Variants in CUX2 observed in about 807,000 individuals in gnomAD.
CUX2 encodes homeobox protein cut-like 2.
CUX2 carries 40 observed loss-of-function variants against 144.8 expected under a neutral mutation model. The observed-to-expected ratio is 0.28, with a 90% confidence interval of 0.21 to 0.36. The LOEUF is 0.36. CUX2 is among the 10% of genes least tolerant of loss of function. The pLI is 1.00. For missense variants in CUX2, 1,615 were observed against 1,994.0 expected (o/e 0.81, Z 3.62); for synonymous variants, 827 against 875.6 (o/e 0.94, Z 0.98).
rs1870562748 is a variant in CUX2 at position 111,057,112 on chromosome 12, A to G, written c.63+22872A>G. On this transcript the variant is annotated intron_variant, in intron 1 of 21. Coordinates refer to ENST00000261726, the MANE Select transcript of CUX2 (RefSeq NM_015267.4). This position sits in a 1 kb window ranked among gnomAD's most constrained non-coding sequence, Gnocchi z 5.1. Reference sequence around the variant, plus strand: ...GCCAAGTAGGGAGTGAGTGTGACAGAAAATGGCCAAGCTGCAATGGTTGTG... The same window carrying G: ...GCCAAGTAGGGAGTGAGTGTGACAGGAAATGGCCAAGCTGCAATGGTTGTG... Among the ~76,000 whole-genome samples the G allele has an allele frequency of 6.6e-6, 1 of 151,506 alleles. No homozygotes were observed. The highest frequency in any genetic ancestry group is 2.4e-5 in the African/African-American group (1 of 41,180).
At chr12:111,243,283 C>T (rs1223315999) in intron 3 of CUX2, among the ~76,000 whole-genome samples, 3 of 152,146 alleles carry the variant, frequency 2.0e-5, no homozygotes, top group Non-Finnish European at 4.4e-5. Context: ...GTCATTGTAT[C>T]ATTTTACCTG....
intron 1 of CUX2, among the ~76,000 whole-genome samples, chr12:111,196,033 C>A (rs1880218494): frequency 6.6e-6 from 1 of 152,214 alleles, no homozygotes; most frequent in South Asian, 2.1e-4. Flanking sequence ...CCACTCCCAG[C>A]CCCAGGAAAC....
At chr12:111,241,529 C>G (rs1479077135) in intron 3 of CUX2, among the ~76,000 whole-genome samples, 1 of 152,216 alleles carries the variant, frequency 6.6e-6, no homozygotes, top group African/African-American at 2.4e-5. Context: ...CATGCTTTTC[C>G]TAGGATCAAG....
intron 1 of CUX2, among the ~76,000 whole-genome samples, chr12:111,130,206 G>A (rs1875377892): frequency 6.6e-6 from 1 of 152,160 alleles, no homozygotes; most frequent in Admixed American, 6.5e-5. Flanking sequence ...CATTCAAAGG[G>A]TTCTGGGTCT....
chr12:111,118,241 T>G (rs1874416523), intron 1 of CUX2, among the ~76,000 whole-genome samples: 1 of 152,222 alleles, frequency 6.6e-6, no homozygotes, highest in South Asian at 2.1e-4. Flanking sequence ...TGTAATTATA[T>G]TTCAAACCAG....
At chr12:111,301,609 C>G (rs886894458) in intron 9 of CUX2, among the ~76,000 whole-genome samples, 2 of 152,098 alleles carry the variant, frequency 1.3e-5, no homozygotes, top group Admixed American at 6.5e-5. Context: ...CCTCAAACTC[C>G]TGGGCTCAAG....
rs535505155 is a variant in CUX2 at position 111,214,443 on chromosome 12, C to T, written c.174+133C>T. ...GCTAATTAGCCACAAAGAAAAATGACAGCCCCTAACCTTTCGGGGTTTCTT... is the reference window on the plus strand; with the variant it reads ...GCTAATTAGCCACAAAGAAAAATGATAGCCCCTAACCTTTCGGGGTTTCTT... On this transcript the variant is annotated intron_variant, in intron 2 of 21. Coordinates refer to ENST00000261726, the MANE Select transcript of CUX2 (RefSeq NM_015267.4). The T allele has an allele frequency of 6.8e-5, 39 of 577,142 alleles. 3 individuals carry two copies. The South Asian group carries it at 9.3e-4, about 14-fold the overall frequency. 35.8% of individuals were successfully genotyped at this position (577,142 alleles called of 1,614,324 possible). A position where few individuals can be genotyped will look rare whatever the true frequency, so the allele number is the denominator to read the frequency against.
chr12:111,134,610 C>G (rs1309749715), intron 1 of CUX2, among the ~76,000 whole-genome samples: 146 of 138,346 alleles, frequency 1.1e-3, no homozygotes, highest in African/African-American at 4.7e-3. Context: ...CTCTCTCTCT[C>G]TCTCTCTCTC....
At chr12:111,249,255 C>G (rs576286712) in intron 3 of CUX2, among the ~76,000 whole-genome samples, 31 of 152,266 alleles carry the variant, frequency 2.0e-4, no homozygotes, top group African/African-American at 6.7e-4. Flanking sequence ...TGCTGTGTGA[C>G]TTTGCACACG....
intron 8 of CUX2, among the ~76,000 whole-genome samples, 192 bp downstream of exon 8, chr12:111,296,731 GGCCT>G (rs1886021468): frequency 9.0e-6 from 1 of 111,110 alleles, no homozygotes. Flanking sequence ...CTCCCAGAGA[GGCCT>G]CCTCCCTCTG....
chr12:111,096,228 A>G (rs1406797957), intron 1 of CUX2, among the ~76,000 whole-genome samples: 1 of 152,136 alleles, frequency 6.6e-6, no homozygotes, highest in Non-Finnish European at 1.5e-5. Flanking sequence ...AGAGAGTACA[A>G]AATGGAGCCC....
rs117949339 is a variant in CUX2 at position 111,156,382 on chromosome 12, G to A, written c.64-57818G>A. On this transcript the variant is annotated intron_variant, in intron 1 of 21. Coordinates refer to ENST00000261726, the MANE Select transcript of CUX2 (RefSeq NM_015267.4). ...ATCCCCATTCTAAACTCCTTATTTC[G>A]GAATATTTTCTCTGTCTCCCAGTGG... 1.1e-4 allele frequency among the ~76,000 whole-genome samples: 16 copies of A among 152,180 alleles called. No individual in the cohort carries two copies. The East Asian group carries it at 1.7e-3, about 17-fold the overall frequency.
chr12:111,147,610 G>A (rs1374219374), intron 1 of CUX2, among the ~76,000 whole-genome samples: 2 of 152,194 alleles, frequency 1.3e-5, no homozygotes, highest in Non-Finnish European at 2.9e-5. Context: ...TTGCTCGATT[G>A]CATGGAGCAG....
chr12:111,056,897 A>G (rs1870553435), intron 1 of CUX2, among the ~76,000 whole-genome samples: 1 of 152,158 alleles, frequency 6.6e-6, no homozygotes, highest in African/African-American at 2.4e-5. Context: ...AGGAGAGTAG[A>G]TGTGACAGGA....
intron 16 of CUX2, among the ~76,000 whole-genome samples, chr12:111,313,655 A>G (rs1049784586): frequency 1.3e-5 from 2 of 151,962 alleles, no homozygotes; most frequent in African/African-American, 4.8e-5. Context: ...AAAGAAAAAA[A>G]AAAATGGGGA....
intron 1 of CUX2, among the ~76,000 whole-genome samples, chr12:111,118,869 T>C (rs543015024): frequency 6.6e-6 from 1 of 152,272 alleles, no homozygotes; most frequent in East Asian, 1.9e-4. Flanking sequence ...CTTTTGGGAT[T>C]TTTTCTAAGC....
intron 1 of CUX2, among the ~76,000 whole-genome samples, chr12:111,154,870 G>A (rs971495068): frequency 6.6e-6 from 1 of 152,202 alleles, no homozygotes; most frequent in African/African-American, 2.4e-5. Context: ...CCAGAGATGT[G>A]AGGACCTTCC....
In CUX2 at chr12:111,111,889, C is replaced by A. The variant is rs565297837; in HGVS notation, c.63+77649C>A. ...AATGAAAGCTTTGAACTTGCAGAAG[C>A]CTCTTGCAAGGGGAAACGGTTCTCC... is the stretch of plus-strand genomic sequence containing the variant. On this transcript the variant is annotated intron_variant, in intron 1 of 21. Coordinates refer to ENST00000261726, the MANE Select transcript of CUX2 (RefSeq NM_015267.4). Among the ~76,000 whole-genome samples, 18 of 152,274 alleles carry A rather than the reference C, an allele frequency of 1.2e-4. No individual in the cohort carries two copies. In the South Asian group the frequency reaches 3.5e-3, roughly 30 times the overall value.
intron 1 of CUX2, among the ~76,000 whole-genome samples, chr12:111,105,319 T>C (rs1046477385): frequency 2.6e-5 from 4 of 152,260 alleles, no homozygotes; most frequent in Non-Finnish European, 5.9e-5. Context: ...TGATCAGCCA[T>C]GGCCTCGGGG....
Sources: allele counts gnomAD v4.1 joint callset (sites outside exome capture counted in the v4.1 genomes callset), GRCh38; gene constraint gnomAD v4.1.1; non-coding constraint Gnocchi (gnomAD v3.1); transcripts MANE v1.5; gene names NCBI Gene and HGNC (gene_info 2026-07-23, HGNC 2026-07-21).